DCUN1D1: variants seen among roughly 807,000 people sequenced by gnomAD.
The protein encoded by DCUN1D1 is defective in cullin neddylation 1 domain containing 1, also known as DCN1-like protein 1.
A neutral mutation model predicts 39.0 loss-of-function variants in DCUN1D1; 3 were observed. The observed-to-expected ratio is 0.08, with a 90% confidence interval of 0.04 to 0.20. The LOEUF (loss-of-function observed/expected upper bound fraction) is 0.20. DCUN1D1 is among the 10% of genes least tolerant of loss of function. The probability of loss-of-function intolerance (pLI) is 1.00; values close to 1 mark genes in which losing one functional copy is unlikely to be tolerated. For synonymous variants in DCUN1D1, 82 were observed against 96.3 expected (o/e 0.85, Z 0.87); for missense variants, 158 against 302.4 (o/e 0.52, Z 3.54).
chr3:182,961,153 T>C, intron 4 of DCUN1D1, 73 bp downstream of exon 4: 1 of 1,078,910 alleles, frequency 9.3e-7, no homozygotes, highest in East Asian at 2.5e-5. Flanking sequence ...CATAACTTTC[T>C]ATTACAAAAA....
intron 4 of DCUN1D1, among the ~76,000 whole-genome samples, chr3:182,953,357 G>A (rs1452188827): frequency 1.3e-5 from 2 of 152,304 alleles, no homozygotes; most frequent in East Asian, 3.9e-4. Flanking sequence ...ACAGGTATAG[G>A]AAAAGAAGCC....
Position 182,947,277 on chromosome 3 carries a change from T to A in DCUN1D1, c.661A>T (p.Thr221Ser). 1.2e-6 allele frequency: 2 copies of A among 1,610,272 alleles called. No individual in the cohort carries two copies. Among genetic ancestry groups the A allele is most frequent in the Non-Finnish European group, 1.7e-6 (2 of 1,178,898 alleles). The change falls in exon 6 of 7, where the codon ACG becomes TCG. Residue 221 changes from threonine to serine, a missense_variant. Thr to Ser is a moderately conservative substitution (Grantham distance 58). This residue lies in a region of DCUN1D1 where 25 missense variants were observed against 26.3 expected (regional missense o/e 0.95). Coordinates refer to ENST00000292782, the MANE Select transcript of DCUN1D1 (RefSeq NM_020640.4). ...DTWNLLLDFS[T>S]MIADDMSNYD... is the part of the protein sequence containing the mutation. ...TTAGACATGTCATCTGCAATCATCG[T>A]ACTGAAGTCTAAAAGAAGATTCCAA...
intron 1 of DCUN1D1, among the ~76,000 whole-genome samples, chr3:182,972,240 C>T (rs554543798): frequency 1.1e-4 from 16 of 151,664 alleles, no homozygotes; most frequent in Non-Finnish European, 2.1e-4. Flanking sequence ...ACAGGGCACT[C>T]TAAGTCAGGG....
chr3:182,967,812 T>C (rs1044457924), intron 1 of DCUN1D1, among the ~76,000 whole-genome samples: 1 of 152,250 alleles, frequency 6.6e-6, no homozygotes, highest in African/African-American at 2.4e-5. Context: ...GGAAGAGAAC[T>C]GTCCTAATTT....
At chr3:182,967,864 C>CT (rs1156742391) in intron 1 of DCUN1D1, among the ~76,000 whole-genome samples, 1 of 152,202 alleles carries the variant, frequency 6.6e-6, no homozygotes, top group African/African-American at 2.4e-5. Context: ...TTGATTCCAA[C>CT]TTTTGTTACT....
chr3:182,983,621 C>T (rs1449268049), upstream of DCUN1D1, among the ~76,000 whole-genome samples: 1 of 151,998 alleles, frequency 6.6e-6, no homozygotes, highest in Non-Finnish European at 1.5e-5. Flanking sequence ...GCAGGAGAAT[C>T]GCTTGAACCC....
intron 4 of DCUN1D1, among the ~76,000 whole-genome samples, chr3:182,958,328 A>G (rs1198778823): frequency 6.6e-6 from 1 of 152,060 alleles, no homozygotes; most frequent in Non-Finnish European, 1.5e-5. Context: ...AGCAGAAAGT[A>G]GAGATTTCCA....
At position 182,940,021 on chromosome 3, in the gene DCUN1D1, C is replaced by T. The variant is rs1475284224; in HGVS notation, c.*5073G>A. On this transcript the variant is annotated 3_prime_UTR_variant, in exon 7 of 7. Coordinates refer to ENST00000292782, the MANE Select transcript of DCUN1D1 (RefSeq NM_020640.4). Reference sequence around the variant, plus strand: ...TGCTTTCAAAGGATTCCAAGTACACCCATCTCTAAATCTTACTGATTAAAT... The same window carrying T: ...TGCTTTCAAAGGATTCCAAGTACACTCATCTCTAAATCTTACTGATTAAAT... The T allele has an allele frequency of 2.6e-5, 4 of 152,082 alleles. No individual in the cohort carries two copies. The South Asian group carries it at 6.2e-4, about 24-fold the overall frequency. 9.4% of individuals were successfully genotyped at this position (152,082 alleles called of 1,614,324 possible).
In DCUN1D1 at chr3:182,939,994, G is replaced by A. The variant is rs762083399; in HGVS notation, c.*5100C>T. On this transcript the variant is annotated 3_prime_UTR_variant, in exon 7 of 7. Coordinates refer to ENST00000292782, the MANE Select transcript of DCUN1D1 (RefSeq NM_020640.4). The stretch of plus-strand genomic sequence containing the variant: ...TAGCATTTGCTTGAAAACTAAACAC[G>A]CTGCTTTCAAAGGATTCCAAGTACA... 1.3e-5 allele frequency: 2 copies of A among 152,048 alleles called. No homozygotes were observed. Among genetic ancestry groups the A allele is most frequent in the Non-Finnish European group, 2.9e-5 (2 of 68,008 alleles). 9.4% of individuals were successfully genotyped at this position (152,048 alleles called of 1,614,324 possible). A position where few individuals can be genotyped will look rare whatever the true frequency, so the allele number is the denominator to read the frequency against.
chr3:182,963,838 C>T lies in DCUN1D1; in HGVS notation c.389+43G>A, dbSNP rs960532699. On this transcript the variant is annotated intron_variant, in intron 3 of 6. Coordinates refer to ENST00000292782, the MANE Select transcript of DCUN1D1 (RefSeq NM_020640.4). ...AAAAAGTTCATGACATAATTCAGTT[C>T]CACAGTAACATATCTAATTTCCTAT... is the stretch of plus-strand genomic sequence containing the variant. 1.1e-5 allele frequency: 16 copies of T among 1,466,470 alleles called. No individual in the cohort carries two copies. In the African/African-American group the frequency reaches 1.9e-4, roughly 18 times the overall value. The allele number at this position is 1,466,470 out of a possible 1,614,324, so 90.8% of individuals were successfully genotyped here. A position where few individuals can be genotyped will look rare whatever the true frequency, so the allele number is the denominator to read the frequency against.
At chr3:182,961,828 G>C (rs879045634) in intron 3 of DCUN1D1, among the ~76,000 whole-genome samples, 1 of 152,150 alleles carries the variant, frequency 6.6e-6, no homozygotes, top group Admixed American at 6.5e-5. Context: ...CACAGTACAG[G>C]AGTAAACAGG....
At chr3:182,976,665 C>T (rs1728256456) in intron 1 of DCUN1D1, among the ~76,000 whole-genome samples, 1 of 152,166 alleles carries the variant, frequency 6.6e-6, no homozygotes, top group Admixed American at 6.5e-5. Flanking sequence ...CTTTCTCCCA[C>T]AGCACTTAAC....
chr3:182,957,949 A>AAC lies in DCUN1D1; in HGVS notation c.520+3276_520+3277insGT, dbSNP rs1560169369. Among the ~76,000 whole-genome samples the AAC allele has an allele frequency of 4.4e-4, 66 of 150,410 alleles. 1 individual carries two copies. The highest frequency in any genetic ancestry group is 1.6e-3 in the African/African-American group (64 of 40,820). On this transcript the variant is annotated intron_variant, in intron 4 of 6. Coordinates refer to ENST00000292782, the MANE Select transcript of DCUN1D1 (RefSeq NM_020640.4). The stretch of plus-strand genomic sequence containing the variant: ...CAAGACCCTGCATCAAAAAAAAAAA[A>AAC]AAAAAAAAAAAACAGAAACATGGAA...
chr3:182,973,917 TAA>T (rs1448902962), intron 1 of DCUN1D1, among the ~76,000 whole-genome samples: 1 of 152,152 alleles, frequency 6.6e-6, no homozygotes. Flanking sequence ...AATGAAAATT[TAA>T]AAGATTTTCT....
upstream of DCUN1D1, among the ~76,000 whole-genome samples, chr3:182,982,400 C>A (rs1248740411): frequency 6.6e-6 from 1 of 152,164 alleles, no homozygotes; most frequent in Non-Finnish European, 1.5e-5. Flanking sequence ...CCCCAAGTGA[C>A]AGGCCTAAAC....
At chr3:182,984,673 C>T (rs1423410384), upstream of DCUN1D1, among the ~76,000 whole-genome samples, 1 of 152,154 alleles carries the variant, frequency 6.6e-6, no homozygotes, top group South Asian at 2.1e-4. Context: ...ATATAGTGCT[C>T]ATAAATACGT....
At chr3:182,950,303 A>C (rs1398867071) in intron 4 of DCUN1D1, among the ~76,000 whole-genome samples, 1 of 151,962 alleles carries the variant, frequency 6.6e-6, no homozygotes, top group African/African-American at 2.4e-5. Flanking sequence ...ACGCACCACC[A>C]CGACCGGCTA....
Position 182,950,336 on chromosome 3 carries a change from C to T in DCUN1D1, c.521-2704G>A, listed in dbSNP as rs150131907. 7.3e-3 allele frequency among the ~76,000 whole-genome samples: 1,102 copies of T among 151,954 alleles called. 13 individuals carry two copies. The highest frequency in any genetic ancestry group is 0.025 in the African/African-American group (1,030 of 41,454). On this transcript the variant is annotated intron_variant, in intron 4 of 6. Transcript: ENST00000292782. Reference sequence around the variant, plus strand: ...CTAATTTTTGTATTTTTAGTAGAGACGGAGTTTCACTACGTTGGCCAGGAT... The same window carrying T: ...CTAATTTTTGTATTTTTAGTAGAGATGGAGTTTCACTACGTTGGCCAGGAT...
chr3:182,980,514 C>G lies in DCUN1D1; in HGVS notation c.-25G>C, dbSNP rs747078533. On this transcript the variant is annotated 5_prime_UTR_variant, in exon 1 of 7. Coordinates refer to ENST00000292782, the MANE Select transcript of DCUN1D1 (RefSeq NM_020640.4). ...TGTTGGTGTCCTCCAGGCCTCTCCC[C>G]TCCTCCTCCGGCTCCGCAGCGAATG... The G allele has an allele frequency of 1.6e-6, 2 of 1,239,070 alleles. No homozygotes were observed. The highest frequency in any genetic ancestry group is 3.2e-5 in the African/African-American group (2 of 62,472). The allele number at this position is 1,239,070 out of a possible 1,614,324, so 76.8% of individuals were successfully genotyped here. A position where few individuals can be genotyped will look rare whatever the true frequency, so the allele number is the denominator to read the frequency against.
Sources: gnomAD v4.1 joint callset for allele counts (sites outside exome capture counted in the v4.1 genomes callset) on GRCh38, gnomAD v4.1.1 for gene constraint, gnomAD v4.1.1 regional missense constraint, MANE v1.5 for transcripts, NCBI Gene and HGNC (gene_info 2026-07-23, HGNC 2026-07-21) for gene names.